Variants in R3HCC1L observed in about 807,000 individuals in gnomAD.
The protein encoded by R3HCC1L is R3H domain and coiled-coil containing 1 like, also known as coiled-coil domain-containing protein R3HCC1L.
A neutral mutation model predicts 59.9 loss-of-function variants in R3HCC1L; 51 were observed. The observed-to-expected ratio is 0.85, with a 90% confidence interval of 0.68 to 1.07. The LOEUF (loss-of-function observed/expected upper bound fraction) is 1.07. Among genes scored for constraint, R3HCC1L ranks in the 50% least tolerant of loss-of-function variants. The pLI is 0.00. For missense variants in R3HCC1L, 965 were observed against 933.0 expected, an observed-to-expected ratio of 1.03 and a Z score of -0.45; for synonymous variants, 322 against 315.2, an observed-to-expected ratio of 1.02 and a Z score of -0.23.
chr10:98,141,071 T>A (rs780601734), intron 1 of R3HCC1L, among the ~76,000 whole-genome samples: 3 of 152,116 alleles, frequency 2.0e-5, no homozygotes, highest in Non-Finnish European at 4.4e-5. Context: ...CCATCTACTT[T>A]CCTGAAGGAC....
chr10:98,142,957 A>C (rs1590379240), intron 1 of R3HCC1L, among the ~76,000 whole-genome samples: 2 of 146,480 alleles, frequency 1.4e-5, no homozygotes, highest in African/African-American at 4.9e-5. Flanking sequence ...AACAAACAAA[A>C]CAAAACAAAA....
chr10:98,196,535 A>G (rs574822414), intron 4 of R3HCC1L, among the ~76,000 whole-genome samples: 1 of 152,280 alleles, frequency 6.6e-6, no homozygotes, highest in African/African-American at 2.4e-5. Flanking sequence ...CTGGGACTAT[A>G]AGGCGTGTGC....
In R3HCC1L at chr10:98,209,546, A is replaced by T. The variant is rs1328444512; in HGVS notation, c.1432A>T (p.Ile478Phe). 1 of 1,613,820 alleles carries T rather than the reference A, an allele frequency of 6.2e-7. No homozygotes were observed. Among genetic ancestry groups the T allele is most frequent in the Non-Finnish European group, 8.5e-7 (1 of 1,179,954 alleles). The change falls in exon 5 of 10, where the codon ATT becomes TTT. Residue 478 changes from isoleucine (I) to phenylalanine (F), a missense_variant. Physicochemically the swap from Ile to Phe is conservative, Grantham distance 21 (BLOSUM62 0). Transcript: ENST00000298999. The part of the protein sequence containing the change: ...DCASSLPIKK[I>F]AGSNYNTFLD... ...TGCTTCCTCCTTACCTATAAAAAAGATTGCTGGTAGTAATTATAACACTTT... is the reference window on the plus strand; with the variant it reads ...TGCTTCCTCCTTACCTATAAAAAAGTTTGCTGGTAGTAATTATAACACTTT...
intron 2 of R3HCC1L, among the ~76,000 whole-genome samples, chr10:98,157,219 G>C (rs1846967705): frequency 1.3e-5 from 2 of 152,162 alleles, no homozygotes; most frequent in South Asian, 4.1e-4. Context: ...ACAGTGATGT[G>C]CTTTGGTGTG....
Position 98,169,206 on chromosome 10 carries a change from A to C in R3HCC1L, c.-15+5809A>C, listed in dbSNP as rs76626266. 3.9e-5 allele frequency among the ~76,000 whole-genome samples: 6 copies of C among 152,312 alleles called. No homozygotes were observed. In the East Asian group the frequency reaches 1.2e-3, roughly 29 times the overall value. On this transcript the variant is annotated intron_variant, in intron 4 of 9. Coordinates refer to ENST00000298999, the MANE Select transcript of R3HCC1L (RefSeq NM_001351015.2). ...CTCTTTTTGGTTGTTTTGCAGTTAC[A>C]TGGATTCTAAGCAAATTGTGAATAT... is the stretch of plus-strand genomic sequence containing the variant.
At chr10:98,213,133 A>G (rs1853777351) in intron 5 of R3HCC1L, among the ~76,000 whole-genome samples, 1 of 152,216 alleles carries the variant, frequency 6.6e-6, no homozygotes, top group Non-Finnish European at 1.5e-5. Context: ...TAATCCAGTC[A>G]CTAAAAGCAA....
At chr10:98,183,380 T>C (rs1247431118) in intron 4 of R3HCC1L, among the ~76,000 whole-genome samples, 1 of 151,798 alleles carries the variant, frequency 6.6e-6, no homozygotes, top group Non-Finnish European at 1.5e-5. Context: ...TTTCTCTTTA[T>C]CTTTGATTTT....
At chr10:98,202,629 G>A (rs534169536) in intron 4 of R3HCC1L, among the ~76,000 whole-genome samples, 2 of 152,140 alleles carry the variant, frequency 1.3e-5, no homozygotes, top group East Asian at 1.9e-4. Context: ...TGAGGCGGGC[G>A]GAACACAAGG....
At chr10:98,174,013 G>A (rs1848765073) in intron 4 of R3HCC1L, among the ~76,000 whole-genome samples, 1 of 152,156 alleles carries the variant, frequency 6.6e-6, no homozygotes, top group Admixed American at 6.5e-5. Flanking sequence ...TGTAATGGTT[G>A]CTTTTTGAGC....
chr10:98,215,531 T>C (rs532131201), intron 5 of R3HCC1L, among the ~76,000 whole-genome samples: 26 of 152,370 alleles, frequency 1.7e-4, no homozygotes, highest in African/African-American at 5.8e-4. Context: ...GCCACTGATA[T>C]TGATGCTTTT....
chr10:98,213,684 TAG>T (rs1382631103), intron 5 of R3HCC1L, among the ~76,000 whole-genome samples: 2 of 152,168 alleles, frequency 1.3e-5, no homozygotes, highest in Non-Finnish European at 2.9e-5. Flanking sequence ...AAAAAATCTA[TAG>T]ACTTTATTTT....
intron 2 of R3HCC1L, among the ~76,000 whole-genome samples, chr10:98,162,560 A>AT: frequency 6.6e-6 from 1 of 152,140 alleles, no homozygotes; most frequent in East Asian, 1.9e-4. Context: ...TCCATCTACC[A>AT]TTCAGCTGGC....
At position 98,229,179 on chromosome 10, in the gene R3HCC1L, A is replaced by G. The variant is rs1274332893; in HGVS notation, c.1786-2333A>G. ...GAATCTATAAATTACCTTGGGCAGT[A>G]TGGCCATTTTCACGATATTGATTCT... is the stretch of plus-strand genomic sequence containing the variant. On this transcript the variant is annotated intron_variant, in intron 5 of 9. Coordinates refer to ENST00000298999, the MANE Select transcript of R3HCC1L (RefSeq NM_001351015.2). Among the ~76,000 whole-genome samples the G allele has an allele frequency of 2.6e-5, 4 of 152,084 alleles. No homozygotes were observed. The East Asian group carries it at 5.8e-4, about 22-fold the overall frequency.
intron 2 of R3HCC1L, among the ~76,000 whole-genome samples, chr10:98,158,272 A>G (rs1160749334): frequency 6.6e-6 from 1 of 152,162 alleles, no homozygotes; most frequent in Non-Finnish European, 1.5e-5. Context: ...TTTTCCAACC[A>G]TAAATGGCTC....
chr10:98,145,026 T>C (rs1292845830), intron 1 of R3HCC1L, among the ~76,000 whole-genome samples: 1 of 152,190 alleles, frequency 6.6e-6, no homozygotes, highest in Admixed American at 6.5e-5. Context: ...AGTAAGGAGA[T>C]AGGATTTGTT....
intron 2 of R3HCC1L, among the ~76,000 whole-genome samples, chr10:98,158,231 C>G (rs1045594043): frequency 6.6e-6 from 1 of 152,140 alleles, no homozygotes; most frequent in African/African-American, 2.4e-5. Flanking sequence ...ATGGGGCATA[C>G]TATATGCATT....
At chr10:98,144,730 C>A (rs978541942) in intron 1 of R3HCC1L, among the ~76,000 whole-genome samples, 7 of 152,178 alleles carry the variant, frequency 4.6e-5, no homozygotes, top group African/African-American at 1.7e-4. Flanking sequence ...CAAAAGAAGT[C>A]CTAGTCTGGT....
intron 4 of R3HCC1L, among the ~76,000 whole-genome samples, chr10:98,177,122 C>G (rs1849103096): frequency 6.6e-6 from 1 of 151,978 alleles, no homozygotes; most frequent in East Asian, 1.9e-4. Context: ...TGTTGGTTTG[C>G]TGCACCCATT....
chr10:98,202,878 T>TG (rs959379478), intron 4 of R3HCC1L, among the ~76,000 whole-genome samples: 12 of 144,056 alleles, frequency 8.3e-5, no homozygotes, highest in African/African-American at 2.8e-4. Context: ...AAAAATAGAG[T>TG]GGGGAGGGGA....
Sources: gnomAD v4.1 joint callset for allele counts (sites outside exome capture counted in the v4.1 genomes callset) on GRCh38, gnomAD v4.1.1 for gene constraint, MANE v1.5 for transcripts, NCBI Gene and HGNC (gene_info 2026-07-23, HGNC 2026-07-21) for gene names.